KIRREL3: variants seen among roughly 807,000 people sequenced by gnomAD.
KIRREL3 encodes the protein kin of IRRE-like protein 3.
A neutral mutation model predicts 89.7 loss-of-function variants in KIRREL3; 36 were observed. That is an observed-to-expected ratio of 0.40 (90% CI 0.31 to 0.53). The LOEUF (loss-of-function observed/expected upper bound fraction) is 0.53. Ranked by LOEUF, KIRREL3 falls within the 20% of genes least tolerant of loss-of-function variation. The pLI is 0.49. For synonymous variants in KIRREL3, 445 were observed against 441.4 expected (o/e 1.01, Z -0.10); for missense variants, 864 against 1,056.6 (o/e 0.82, Z 2.53).
rs1303489392 is a variant in KIRREL3 at position 126,776,368 on chromosome 11, A to C, written c.56-213456T>G. ...AACACCTGGGCTTCAGGTCTGTCTT[A>C]CGCAAGTCATGAAACCTCACTGAAC... On this transcript the variant is annotated intron_variant, in intron 1 of 16. Transcript: ENST00000525144. This position sits in a 1 kb window ranked among gnomAD's most constrained non-coding sequence, Gnocchi z 4.7. Among the ~76,000 whole-genome samples the C allele has an allele frequency of 6.6e-6, 1 of 152,214 alleles. No individual in the cohort carries two copies.
rs1448468582 is a variant in KIRREL3, at chr11:126,490,210, G to A, written c.434-16744C>T. ...TGGCTTTGGAATGCATTGTGTGTGT[G>A]TGTGTGTGTGTGTGTGTGTGGCGGG... On this transcript the variant is annotated intron_variant, in intron 4 of 16. Coordinates refer to ENST00000525144, the MANE Select transcript of KIRREL3 (RefSeq NM_032531.4). This position sits in a 1 kb window ranked among gnomAD's most constrained non-coding sequence, Gnocchi z 4.2. Among the ~76,000 whole-genome samples the A allele has an allele frequency of 2.6e-5, 1 of 38,628 alleles. No individual in the cohort carries two copies. Among genetic ancestry groups the A allele is most frequent in the African/African-American group, 5.3e-5 (1 of 18,718 alleles). 25.3% of individuals were successfully genotyped at this position (38,628 alleles called of 152,430 possible).
chr11:126,817,433 C>T lies in KIRREL3; in HGVS notation c.55+183022G>A, dbSNP rs951500889. On this transcript the variant is annotated intron_variant, in intron 1 of 16. Transcript: ENST00000525144. The surrounding 1 kb of genome is among the most constrained non-coding windows in gnomAD (Gnocchi z 5.7). ...GAGTGACTGAGGGCTTCAGCTTCCT[C>T]ATTGTGGGGGACAGAAGGGGATGGT... Among the ~76,000 whole-genome samples the T allele has an allele frequency of 1.3e-5, 2 of 152,204 alleles. No individual in the cohort carries two copies. The highest frequency in any genetic ancestry group is 4.8e-5 in the African/African-American group (2 of 41,454).
In KIRREL3 at chr11:126,489,960, C is replaced by T. The variant is rs147298660; in HGVS notation, c.434-16494G>A. Among the ~76,000 whole-genome samples the T allele has an allele frequency of 9.9e-5, 15 of 152,102 alleles. No homozygotes were observed. The East Asian group carries it at 2.7e-3, about 27-fold the overall frequency. ...CCCTGGCACTGTGCAGGAATCTGGG[C>T]GTGTTAGTGCTGCATACGTTGGGGA... On this transcript the variant is annotated intron_variant, in intron 4 of 16. Transcript: ENST00000525144. This position sits in a 1 kb window ranked among gnomAD's most constrained non-coding sequence, Gnocchi z 5.5.
chr11:126,669,254 G>A lies in KIRREL3; in HGVS notation c.56-106342C>T, dbSNP rs77966153. ...CCATTGAACAGATGAAAATAAAAGGGGTCTCTAGATCTGGGATCCTGGCAC... is the reference window on the plus strand; with the variant it reads ...CCATTGAACAGATGAAAATAAAAGGAGTCTCTAGATCTGGGATCCTGGCAC... On this transcript the variant is annotated intron_variant, in intron 1 of 16. Coordinates refer to ENST00000525144, the MANE Select transcript of KIRREL3 (RefSeq NM_032531.4). This position sits in a 1 kb window ranked among gnomAD's most constrained non-coding sequence, Gnocchi z 5.0. Among the ~76,000 whole-genome samples, 3,534 of 152,158 alleles carry A rather than the reference G, an allele frequency of 0.023. 56 individuals are homozygous for A. The highest frequency in any genetic ancestry group is 0.041 in the African/African-American group (1,692 of 41,482).
Position 126,754,208 on chromosome 11 carries a change from T to C in KIRREL3, c.56-191296A>G, listed in dbSNP as rs575063977. On this transcript the variant is annotated intron_variant, in intron 1 of 16. Transcript: ENST00000525144. This position sits in a 1 kb window ranked among gnomAD's most constrained non-coding sequence, Gnocchi z 5.1. ...ATATTTCATTTGCAATGTCTTTTGATAGAGTAGTCCCTGCCAAAAGTTTTG... is the reference window on the plus strand; with the variant it reads ...ATATTTCATTTGCAATGTCTTTTGACAGAGTAGTCCCTGCCAAAAGTTTTG... 6.6e-6 allele frequency among the ~76,000 whole-genome samples: 1 copy of C among 152,354 alleles called. No homozygotes were observed. The highest frequency in any genetic ancestry group is 1.9e-4 in the East Asian group (1 of 5,182).
chr11:126,961,914 G>A (rs555268855), intron 1 of KIRREL3, among the ~76,000 whole-genome samples: 1 of 152,320 alleles, frequency 6.6e-6, no homozygotes, highest in African/African-American at 2.4e-5. Flanking sequence ...AGAGTAGATT[G>A]GAACAATGAA....
chr11:126,629,243 A>G (rs1943916794), intron 1 of KIRREL3, among the ~76,000 whole-genome samples: 1 of 152,114 alleles, frequency 6.6e-6, no homozygotes, highest in Non-Finnish European at 1.5e-5. Flanking sequence ...GACTGTGCAC[A>G]TGTGGGTAGA....
chr11:126,851,510 G>A (rs1352481350), intron 1 of KIRREL3, among the ~76,000 whole-genome samples: 2 of 152,152 alleles, frequency 1.3e-5, no homozygotes, highest in Non-Finnish European at 2.9e-5. Context: ...GCCATGGGAG[G>A]CACTCTGGAG....
At chr11:126,881,070 G>A (rs1037202437) in intron 1 of KIRREL3, among the ~76,000 whole-genome samples, 10 of 152,160 alleles carry the variant, frequency 6.6e-5, no homozygotes, top group East Asian at 5.8e-4. Flanking sequence ...AAATAAAATC[G>A]CAAATAAGCA....
In KIRREL3 at chr11:126,668,719, TTCTTTCTTTCTTTCTTTCTTTC is replaced by T. The variant is rs1945788881; in HGVS notation, c.56-105829_56-105808del. On this transcript the variant is annotated intron_variant, in intron 1 of 16. Transcript: ENST00000525144. The surrounding 1 kb of genome is among the most constrained non-coding windows in gnomAD (Gnocchi z 4.4). ...TTTCTTTCTTTCTTTCTTTCTTTCT[TTCTTTCTTTCTTTCTTTCTTTC>T]TTTCTTTCTTTCTTTTTTCTCTTTC... is the stretch of plus-strand genomic sequence containing the variant. Among the ~76,000 whole-genome samples, 2 of 120,224 alleles carry T rather than the reference TTCTTTCTTTCTTTCTTTCTTTC, an allele frequency of 1.7e-5. No individual in the cohort carries two copies. Among genetic ancestry groups the T allele is most frequent in the Admixed American group, 9.5e-5 (1 of 10,506 alleles). The allele number at this position is 120,224 out of a possible 152,430, so 78.9% of individuals were successfully genotyped here.
In KIRREL3 at chr11:126,455,786, G is replaced by A. The variant is rs1956316813; in HGVS notation, c.848+563C>T. ...CACTCCAGCCTGGGTGACAGAGCGA[G>A]ACTCTGTCTCAAAACAAACAAAGAA... is the stretch of plus-strand genomic sequence containing the variant. On this transcript the variant is annotated intron_variant, in intron 7 of 16. Transcript: ENST00000525144. This position sits in a 1 kb window ranked among gnomAD's most constrained non-coding sequence, Gnocchi z 6.4. Among the ~76,000 whole-genome samples the A allele has an allele frequency of 6.6e-6, 1 of 152,128 alleles. No individual in the cohort carries two copies. The highest frequency in any genetic ancestry group is 6.5e-5 in the Admixed American group (1 of 15,268).
rs1392478833 is a variant in KIRREL3 at position 126,782,374 on chromosome 11, A to T, written c.55+218081T>A. 6.6e-6 allele frequency among the ~76,000 whole-genome samples: 1 copy of T among 152,244 alleles called. No individual in the cohort carries two copies. The highest frequency in any genetic ancestry group is 2.4e-5 in the African/African-American group (1 of 41,456). On this transcript the variant is annotated intron_variant, in intron 1 of 16. Transcript: ENST00000525144. This position sits in a 1 kb window ranked among gnomAD's most constrained non-coding sequence, Gnocchi z 4.1. ...CTGGCTTATTCAGACTAATACAAAG[A>T]TATAACTAACTGATAGCAGTTCCCT...
At chr11:126,789,330 G>A (rs1950569292) in intron 1 of KIRREL3, among the ~76,000 whole-genome samples, 1 of 151,940 alleles carries the variant, frequency 6.6e-6, no homozygotes, top group Non-Finnish European at 1.5e-5. Context: ...TCTCCTTCTT[G>A]CATCTGAAGC....
intron 1 of KIRREL3, among the ~76,000 whole-genome samples, chr11:126,847,023 A>G (rs1944170359): frequency 6.6e-6 from 1 of 152,170 alleles, no homozygotes; most frequent in African/African-American, 2.4e-5. Flanking sequence ...AAAATTACAA[A>G]GGGTTATAAA....
chr11:126,865,174 C>T (rs1944877183), intron 1 of KIRREL3, among the ~76,000 whole-genome samples: 1 of 152,236 alleles, frequency 6.6e-6, no homozygotes, highest in African/African-American at 2.4e-5. Flanking sequence ...CCTGTATGAA[C>T]CCATTTACCA....
At chr11:126,449,888 C>T (rs955489558) in intron 7 of KIRREL3, among the ~76,000 whole-genome samples, 1 of 152,254 alleles carries the variant, frequency 6.6e-6, no homozygotes, top group African/African-American at 2.4e-5. Flanking sequence ...GGCACTTGCT[C>T]TTCTTCCTGC....
rs893917768 is a variant in KIRREL3 at position 126,802,361 on chromosome 11, G to A, written c.55+198094C>T. Among the ~76,000 whole-genome samples, 1 of 152,130 alleles carries A rather than the reference G, an allele frequency of 6.6e-6. No individual in the cohort carries two copies. The highest frequency in any genetic ancestry group is 2.1e-4 in the South Asian group (1 of 4,828). On this transcript the variant is annotated intron_variant, in intron 1 of 16. Transcript: ENST00000525144. The surrounding 1 kb of genome is among the most constrained non-coding windows in gnomAD (Gnocchi z 5.2). ...AGGCGGCCCGTGGAGAAAAGCTTTC[G>A]CTATACTGAAGGTCTGTGAATAATG... is the stretch of plus-strand genomic sequence containing the variant.
chr11:126,580,552 A>C (rs990350346), intron 1 of KIRREL3, among the ~76,000 whole-genome samples: 2 of 152,310 alleles, frequency 1.3e-5, no homozygotes, highest in African/African-American at 4.8e-5. Flanking sequence ...GGCTTTGAGC[A>C]CAGAGGGTGG....
chr11:126,585,575 A>T (rs556387682), intron 1 of KIRREL3, among the ~76,000 whole-genome samples: 1 of 152,350 alleles, frequency 6.6e-6, no homozygotes, highest in Non-Finnish European at 1.5e-5. Flanking sequence ...AATTTTATCA[A>T]GAGGCTTCGC....
Sources: gnomAD v4.1 joint callset for allele counts (sites outside exome capture counted in the v4.1 genomes callset) on GRCh38, gnomAD v4.1.1 for gene constraint, Gnocchi (gnomAD v3.1) non-coding constraint, MANE v1.5 for transcripts, NCBI Gene and HGNC (gene_info 2026-07-23, HGNC 2026-07-21) for gene names.